CERS6: variants seen among roughly 807,000 people sequenced by gnomAD.
CERS6 encodes LAG1 homolog, ceramide synthase 6.
Under a neutral mutation model 56.8 loss-of-function variants are expected in CERS6, and 26 were observed. The ratio of observed to expected loss-of-function variants is 0.46; its 90% confidence interval spans 0.34 to 0.63. The LOEUF is 0.63. Ranked by LOEUF, CERS6 falls within the 30% of genes least tolerant of loss-of-function variation. CERS6 has a pLI of 0.01. For missense variants in CERS6, 415 were observed against 467.5 expected (o/e 0.89, Z 1.04); for synonymous variants, 164 against 173.3 (o/e 0.95, Z 0.42).
chr2:168,614,976 C>A (rs529439738), intron 3 of CERS6, among the ~76,000 whole-genome samples: 16 of 152,230 alleles, frequency 1.1e-4, no homozygotes, highest in East Asian at 3.9e-4. Context: ...CATTTCACCC[C>A]CCCTGCCACC....
chr2:168,765,328 TTA>T (rs1462806666), intron 8 of CERS6, among the ~76,000 whole-genome samples: 3 of 152,222 alleles, frequency 2.0e-5, no homozygotes, highest in African/African-American at 4.8e-5. Context: ...ATGGTAAATT[TTA>T]TGTTATATTT....
chr2:168,746,206 T>C (rs1397592201), intron 8 of CERS6, among the ~76,000 whole-genome samples: 2 of 152,158 alleles, frequency 1.3e-5, no homozygotes, highest in Non-Finnish European at 2.9e-5. Context: ...CAGCACCTTG[T>C]AGAAACACAA....
At chr2:168,578,668 G>GT (rs1683336449) in intron 3 of CERS6, among the ~76,000 whole-genome samples, 4 of 152,072 alleles carry the variant, frequency 2.6e-5, no homozygotes, top group Admixed American at 2.6e-4. Context: ...TTCTTTTCTA[G>GT]TTTTTTCTCT....
intron 1 of CERS6, among the ~76,000 whole-genome samples, chr2:168,512,234 G>A (rs541469247): frequency 6.6e-6 from 1 of 152,252 alleles, no homozygotes; most frequent in South Asian, 2.1e-4. Flanking sequence ...GTTTTGCAAG[G>A]TGAAAAGAGT....
In CERS6 at chr2:168,469,911, A is replaced by T. The variant is rs117704107; in HGVS notation, c.170+13293A>T. Among the ~76,000 whole-genome samples the T allele has an allele frequency of 1.4e-3, 220 of 152,256 alleles. 4 individuals carry two copies. The East Asian group carries it at 0.035, about 24-fold the overall frequency. On this transcript the variant is annotated intron_variant, in intron 1 of 9. Transcript: ENST00000305747. ...ATATGAAGATACGCAGCCTAAAGAGATGAATGAAGTGACTTGTGCTCTGCC... is the reference window on the plus strand; with the variant it reads ...ATATGAAGATACGCAGCCTAAAGAGTTGAATGAAGTGACTTGTGCTCTGCC...
intron 8 of CERS6, among the ~76,000 whole-genome samples, chr2:168,751,061 T>A (rs1440983016): frequency 2.6e-5 from 4 of 152,186 alleles, no homozygotes; most frequent in Non-Finnish European, 5.9e-5. Context: ...ATAGCTGTGG[T>A]CACTGAGCTA....
rs1009097777 is a variant in CERS6 at position 168,509,897 on chromosome 2, C to T, written c.171-37699C>T. 4.7e-5 allele frequency among the ~76,000 whole-genome samples: 7 copies of T among 150,156 alleles called. No homozygotes were observed. The South Asian group carries it at 6.3e-4, about 13-fold the overall frequency. Reference sequence around the variant, plus strand: ...TCAACACAGTCAGACTCTGTCTCTACGATAAACAAACAAACAAACACAGAA... The same window carrying T: ...TCAACACAGTCAGACTCTGTCTCTATGATAAACAAACAAACAAACACAGAA... On this transcript the variant is annotated intron_variant, in intron 1 of 9. Transcript: ENST00000305747.
Position 168,604,718 on chromosome 2 carries a change from T to TG in CERS6, c.408-26265dup, listed in dbSNP as rs199523304. On this transcript the variant is annotated intron_variant, in intron 3 of 9. Coordinates refer to ENST00000305747, the MANE Select transcript of CERS6 (RefSeq NM_203463.3). ...CCCTCTCTCTCTCTCGCTCCTGCTT[T>TG]GGCCACGTAAGATGTGCCTGCTTCC... 5.1e-4 allele frequency among the ~76,000 whole-genome samples: 77 copies of TG among 152,264 alleles called. 1 individual carries two copies. In the East Asian group the frequency reaches 0.014, roughly 29 times the overall value.
intron 8 of CERS6, among the ~76,000 whole-genome samples, chr2:168,750,951 T>C (rs1574219419): frequency 6.6e-6 from 1 of 152,194 alleles, no homozygotes; most frequent in Non-Finnish European, 1.5e-5. Flanking sequence ...ACAAACTTAA[T>C]AAAAATAAAG....
intron 1 of CERS6, among the ~76,000 whole-genome samples, chr2:168,515,936 A>C (rs1694877232): frequency 6.6e-6 from 1 of 152,214 alleles, no homozygotes; most frequent in African/African-American, 2.4e-5. Flanking sequence ...GAAAAGAAAG[A>C]ACTCAGACCC....
At chr2:168,495,761 T>C (rs1284244219) in intron 1 of CERS6, among the ~76,000 whole-genome samples, 5 of 152,222 alleles carry the variant, frequency 3.3e-5, no homozygotes, top group African/African-American at 9.6e-5. Flanking sequence ...TTTTCACATA[T>C]AGTGTCATAT....
At chr2:168,460,981 C>T (rs180829109) in intron 1 of CERS6, among the ~76,000 whole-genome samples, 5 of 150,270 alleles carry the variant, frequency 3.3e-5, no homozygotes, top group Non-Finnish European at 7.4e-5. Flanking sequence ...GTTGAGAGAG[C>T]GAGAGAGAGA....
At chr2:168,515,608 A>G (rs1558979997) in intron 1 of CERS6, among the ~76,000 whole-genome samples, 1 of 152,132 alleles carries the variant, frequency 6.6e-6, no homozygotes, top group Non-Finnish European at 1.5e-5. Flanking sequence ...TCTCAGGAGA[A>G]AAGTAATTGG....
At chr2:168,705,296 A>G (rs942359538) in intron 6 of CERS6, among the ~76,000 whole-genome samples, 10 of 152,176 alleles carry the variant, frequency 6.6e-5, no homozygotes, top group African/African-American at 2.2e-4. Flanking sequence ...GTAAATAGGA[A>G]TTCACCAGGT....
chr2:168,569,808 G>T (rs1388119940), intron 3 of CERS6, among the ~76,000 whole-genome samples: 1 of 152,198 alleles, frequency 6.6e-6, no homozygotes, highest in Admixed American at 6.5e-5. Flanking sequence ...TGGGAGGGTT[G>T]CTGGCCACTG....
At chr2:168,722,533 T>G (rs1683213589) in intron 8 of CERS6, among the ~76,000 whole-genome samples, 1 of 152,224 alleles carries the variant, frequency 6.6e-6, no homozygotes, top group African/African-American at 2.4e-5. Flanking sequence ...ATTTCTCGAT[T>G]GGCTATTGCT....
At chr2:168,667,142 G>A (rs897088596) in intron 4 of CERS6, among the ~76,000 whole-genome samples, 1 of 152,164 alleles carries the variant, frequency 6.6e-6, no homozygotes, top group African/African-American at 2.4e-5. Flanking sequence ...ATTAAGCAAA[G>A]CAATATATTT....
intron 2 of CERS6, among the ~76,000 whole-genome samples, chr2:168,551,636 G>A (rs1030229856): frequency 6.6e-6 from 1 of 152,040 alleles, no homozygotes; most frequent in Non-Finnish European, 1.5e-5. Context: ...AAATGATATA[G>A]CATCTTTTGT....
At chr2:168,489,884 A>G (rs957499929) in intron 1 of CERS6, among the ~76,000 whole-genome samples, 2 of 152,128 alleles carry the variant, frequency 1.3e-5, no homozygotes, top group African/African-American at 4.8e-5. Flanking sequence ...CGTATGTGGA[A>G]TGATGTTGGA....
Sources: allele counts gnomAD v4.1 joint callset (sites outside exome capture counted in the v4.1 genomes callset), GRCh38; gene constraint gnomAD v4.1.1; transcripts MANE v1.5; gene names NCBI Gene and HGNC (gene_info 2026-07-23, HGNC 2026-07-21).